C11orf58: variants seen among roughly 807,000 people sequenced by gnomAD.
C11orf58 encodes small acidic protein.
C11orf58 carries 5 observed loss-of-function variants against 22.7 expected under a neutral mutation model. The observed-to-expected ratio is 0.22, with a 90% CI of 0.12 to 0.46. C11orf58 has a LOEUF of 0.46. Ranked by LOEUF, C11orf58 falls within the 20% of genes least tolerant of loss-of-function variation. The pLI, the probability that C11orf58 is intolerant of heterozygous loss-of-function variation, is 0.99. For synonymous variants in C11orf58, 71 were observed against 70.7 expected (o/e 1.00, Z -0.02); for missense variants, 151 against 223.3 (o/e 0.68, Z 2.06).
intron 1 of C11orf58, chr11:16,744,105 A>T (rs548512524): frequency 6.6e-6 from 1 of 151,886 alleles, no homozygotes; most frequent in South Asian, 2.1e-4. Flanking sequence ...CTTAAAAGTT[A>T]GCTCACTGAT....
At chr11:16,752,736 T>G in intron 3 of C11orf58, 49 bp from the exon 4 acceptor site, 2 of 1,343,544 alleles carry the variant, frequency 1.5e-6, no homozygotes, top group Non-Finnish European at 2.1e-6. Flanking sequence ...GGTTTTTGTG[T>G]AAATTATTAA....
At position 16,755,168 on chromosome 11, in the gene C11orf58, T is replaced by C. The variant is rs1273952481; in HGVS notation, c.*64T>C. 3.3e-6 allele frequency: 5 copies of C among 1,531,050 alleles called. No homozygotes were observed. The highest frequency in any genetic ancestry group is 2.8e-5 in the African/African-American group (2 of 72,144). The allele number at this position is 1,531,050 out of a possible 1,614,324, so 94.8% of individuals were successfully genotyped here. ...ATTGTTACAATGCACAGTGGAGGAC[T>C]GCTTATAGAGCACAGACCTTTGTAT... On this transcript the variant is annotated 3_prime_UTR_variant, in exon 5 of 5. Coordinates refer to ENST00000228136, the MANE Select transcript of C11orf58 (RefSeq NM_014267.6).
intron 2 of C11orf58, among the ~76,000 whole-genome samples, chr11:16,745,675 T>A (rs1465357285): frequency 6.6e-6 from 1 of 152,176 alleles, no homozygotes; most frequent in African/African-American, 2.4e-5. Flanking sequence ...CACAGTTTAA[T>A]CCTGTGTTCA....
chr11:16,753,852 C>T, intron 4 of C11orf58: 2 of 478,580 alleles, frequency 4.2e-6, no homozygotes, highest in Non-Finnish European at 3.8e-6. Flanking sequence ...GCCTGCACCA[C>T]CATGCCTAGC....
intron 2 of C11orf58, 63 bp downstream of exon 2, chr11:16,744,747 CTAAG>C: frequency 2.1e-6 from 3 of 1,438,110 alleles, no homozygotes; most frequent in East Asian, 2.3e-5. Flanking sequence ...TTTATGTATG[CTAAG>C]TAAGAAGGAC....
At chr11:16,743,508 G>T (rs2134068904) in intron 1 of C11orf58, among the ~76,000 whole-genome samples, 1 of 152,150 alleles carries the variant, frequency 6.6e-6, no homozygotes, top group East Asian at 1.9e-4. Flanking sequence ...ATTTTATCAT[G>T]ATTAGTCTAG....
chr11:16,738,874 A>T lies in C11orf58; in HGVS notation c.63+33A>T, dbSNP rs182230028. On this transcript the variant is annotated intron_variant, in intron 1 of 4. Transcript: ENST00000228136. Reference sequence around the variant, plus strand: ...ATAATGGCGGAGTGGCTGAGGGTTGAGGCCTACTAAAGCCTGGAGTAGGCC... The same window carrying T: ...ATAATGGCGGAGTGGCTGAGGGTTGTGGCCTACTAAAGCCTGGAGTAGGCC... 1,445 of 1,613,104 alleles carry T rather than the reference A, an allele frequency of 9.0e-4. 1 individual carries two copies. Among genetic ancestry groups the T allele is most frequent in the Non-Finnish European group, 1.1e-3 (1,351 of 1,179,420 alleles).
rs1219332090 is a variant in C11orf58, at chr11:16,738,696, C to G, written c.-83C>G. 8 of 1,462,336 alleles carry G rather than the reference C, an allele frequency of 5.5e-6. No homozygotes were observed. The highest frequency in any genetic ancestry group is 2.3e-5 in the South Asian group (2 of 87,800). The allele number at this position is 1,462,336 out of a possible 1,614,324, so 90.6% of individuals were successfully genotyped here. A position where few individuals can be genotyped will look rare whatever the true frequency, so the allele number is the denominator to read the frequency against. On this transcript the variant is annotated 5_prime_UTR_variant, in exon 1 of 5. Transcript: ENST00000228136. The stretch of plus-strand genomic sequence containing the variant: ...GTTCTGTAGTGGCGCTGCTTGGGCC[C>G]TTGGCGGATTGTAAGCTGCTGGTTT...
chr11:16,754,824 A>G (rs1848562815), intron 4 of C11orf58, 47 bp from the exon 5 acceptor site: 1 of 1,595,382 alleles, frequency 6.3e-7, no homozygotes, highest in African/African-American at 1.4e-5. Flanking sequence ...CAGATTTTGT[A>G]TGGGCTAATG....
At chr11:16,744,056 A>C (rs1848469246) in intron 1 of C11orf58, among the ~76,000 whole-genome samples, 1 of 151,950 alleles carries the variant, frequency 6.6e-6, no homozygotes, top group African/African-American at 2.4e-5. Flanking sequence ...CTGCTAAAAA[A>C]AAAAAAAAAA....
chr11:16,741,592 T>C (rs1026649103), intron 1 of C11orf58, among the ~76,000 whole-genome samples: 1 of 152,222 alleles, frequency 6.6e-6, no homozygotes, highest in African/African-American at 2.4e-5. Flanking sequence ...AGAACCAGGC[T>C]GCACAGCAGG....
rs1219852214 is a variant in C11orf58, at chr11:16,755,146, G to T, written c.*42G>T. 2 of 1,600,140 alleles carry T rather than the reference G, an allele frequency of 1.2e-6. No individual in the cohort carries two copies. Among genetic ancestry groups the T allele is most frequent in the South Asian group, 1.1e-5 (1 of 89,430 alleles). On this transcript the variant is annotated 3_prime_UTR_variant, in exon 5 of 5. Transcript: ENST00000228136. Reference sequence around the variant, plus strand: ...CTTTGTATTAAAAGTAAGCCTTATTGTTACAATGCACAGTGGAGGACTGCT... The same window carrying T: ...CTTTGTATTAAAAGTAAGCCTTATTTTTACAATGCACAGTGGAGGACTGCT...
intron 2 of C11orf58, among the ~76,000 whole-genome samples, chr11:16,744,970 A>T (rs1456936849): frequency 6.6e-6 from 1 of 152,202 alleles, no homozygotes; most frequent in Non-Finnish European, 1.5e-5. Context: ...ATGATTTGCC[A>T]TATGTTGGCC....
chr11:16,738,896 G>C (rs908132678), intron 1 of C11orf58, 55 bp downstream of exon 1: 2 of 1,603,158 alleles, frequency 1.2e-6, no homozygotes, highest in East Asian at 2.2e-5. Flanking sequence ...GCCTGGAGTA[G>C]GCCGGGAAGG....
intron 3 of C11orf58, chr11:16,748,666 A>C (rs1848507458): frequency 6.6e-6 from 1 of 152,064 alleles, no homozygotes; most frequent in Admixed American, 6.6e-5. Context: ...AATTGCCTGA[A>C]CCAGAGAGGC....
At chr11:16,752,505 AGGTGAC>A (rs1221262421) in intron 3 of C11orf58, 1 of 204,552 alleles carries the variant, frequency 4.9e-6, no homozygotes, top group Non-Finnish European at 9.7e-6. Flanking sequence ...AGTTTTTATT[AGGTGAC>A]TAGAAAAAAA....
rs144637959 is a variant in C11orf58 at position 16,742,416 on chromosome 11, C to T, written c.64-2185C>T. ...AAGTTAAATGTCAGATCCTGGCTTA[C>T]AGAGCAAGTGATTTAGTGATTGTCA... On this transcript the variant is annotated intron_variant, in intron 1 of 4. Coordinates refer to ENST00000228136, the MANE Select transcript of C11orf58 (RefSeq NM_014267.6). Among the ~76,000 whole-genome samples the T allele has an allele frequency of 2.2e-3, 328 of 152,270 alleles. 2 individuals carry two copies. The highest frequency in any genetic ancestry group is 7.6e-3 in the African/African-American group (316 of 41,548).
chr11:16,758,287 G>A lies in C11orf58; in HGVS notation c.*3183G>A, dbSNP rs2134079124. Among the ~76,000 whole-genome samples the A allele has an allele frequency of 6.6e-6, 1 of 152,194 alleles. No individual in the cohort carries two copies. Among genetic ancestry groups the A allele is most frequent in the South Asian group, 2.1e-4 (1 of 4,814 alleles). On this transcript the variant is annotated 3_prime_UTR_variant, in exon 5 of 5. Transcript: ENST00000228136. Reference sequence around the variant, plus strand: ...CTCCTACCCTCACCAGTTATTTCTGGAGAAAGATCACCAAATGTATAAATC... The same window carrying A: ...CTCCTACCCTCACCAGTTATTTCTGAAGAAAGATCACCAAATGTATAAATC...
chr11:16,742,365 C>G (rs2134068160), intron 1 of C11orf58, among the ~76,000 whole-genome samples: 1 of 152,300 alleles, frequency 6.6e-6, no homozygotes, highest in Middle Eastern at 3.4e-3. Flanking sequence ...AAAAAGGCAT[C>G]TCTTTATAGA....
Sources: gnomAD v4.1 joint callset for allele counts (sites outside exome capture counted in the v4.1 genomes callset) on GRCh38, gnomAD v4.1.1 for gene constraint, MANE v1.5 for transcripts, NCBI Gene and HGNC (gene_info 2026-07-23, HGNC 2026-07-21) for gene names.